PHACTR3: variants seen among roughly 807,000 people sequenced by gnomAD.
PHACTR3 encodes phosphatase and actin regulator 3, also known as protein phosphatase 1, regulatory subunit 123.
Under a neutral mutation model 66.8 loss-of-function variants are expected in PHACTR3, and 16 were observed. The observed-to-expected ratio is 0.24, with a 90% CI of 0.16 to 0.36. The LOEUF is 0.36. Ranked by LOEUF, PHACTR3 falls within the 10% of genes least tolerant of loss-of-function variation. The pLI is 1.00. For synonymous variants in PHACTR3, 323 were observed against 292.1 expected (o/e 1.11, Z -1.08); for missense variants, 647 against 719.9 (o/e 0.90, Z 1.16).
At chr20:59,654,722 A>G (rs2146459107) in intron 1 of PHACTR3, among the ~76,000 whole-genome samples, 1 of 152,142 alleles carries the variant, frequency 6.6e-6, no homozygotes, top group Non-Finnish European at 1.5e-5. Context: ...CACTCCAGAA[A>G]TTTTCCCAGT....
At chr20:59,703,591 CAT>C (rs1043055630) in intron 1 of PHACTR3, among the ~76,000 whole-genome samples, 2 of 152,194 alleles carry the variant, frequency 1.3e-5, no homozygotes, top group African/African-American at 4.8e-5. Context: ...GAAAATAAGA[CAT>C]GTGCATGATA....
intron 1 of PHACTR3, among the ~76,000 whole-genome samples, chr20:59,662,753 G>C (rs1474302980): frequency 3.3e-5 from 5 of 152,128 alleles, no homozygotes; most frequent in Admixed American, 3.3e-4. Flanking sequence ...GAGGCAGGAG[G>C]TGCTGGGGGC....
chr20:59,729,922 G>C (rs543963131), intron 1 of PHACTR3, among the ~76,000 whole-genome samples: 1 of 152,112 alleles, frequency 6.6e-6, no homozygotes, highest in East Asian at 1.9e-4. Flanking sequence ...CGTTGGACCC[G>C]GACTTGGTAA....
chr20:59,773,331 C>T lies in PHACTR3; in HGVS notation c.804C>T (p.Leu268=). Residue 268 remains leucine, a synonymous_variant, in exon 6 of 13, where the codon CTC becomes CTT. Coordinates refer to ENST00000371015, the MANE Select transcript of PHACTR3 (RefSeq NM_080672.5). ...GCATGAAGAGTGCCGACCCTTCCCT[C>T]CGGGGCCAGCTCTCCACACCCACGG... is the stretch of plus-strand genomic sequence containing the variant. The part of the protein sequence containing the change: ...ASSMKSADPS[L]RGQLSTPTGS... 4.3e-6 allele frequency: 7 copies of T among 1,614,212 alleles called. No homozygotes were observed. The highest frequency in any genetic ancestry group is 1.3e-5 in the African/African-American group (1 of 75,070).
intron 1 of PHACTR3, among the ~76,000 whole-genome samples, chr20:59,651,731 C>T (rs960459972): frequency 2.6e-5 from 4 of 152,062 alleles, no homozygotes; most frequent in Admixed American, 1.3e-4. Flanking sequence ...AAGAAATGAG[C>T]GTGTTCTCTC....
At chr20:59,681,738 T>C (rs75381108) in intron 1 of PHACTR3, among the ~76,000 whole-genome samples, 4,286 of 152,324 alleles carry the variant, frequency 0.028, 81 homozygotes, top group Middle Eastern at 0.065. Context: ...GGGCCAGGCA[T>C]GGCGGCTCAC....
At chr20:59,824,204 TG>T (rs1336587790) in intron 8 of PHACTR3, among the ~76,000 whole-genome samples, 1 of 152,160 alleles carries the variant, frequency 6.6e-6, no homozygotes, top group Non-Finnish European at 1.5e-5. Context: ...GAGGAGTGTT[TG>T]GTTGAGTAAC....
rs548296049 is a variant in PHACTR3 at position 59,736,497 on chromosome 20, G to A, written c.119-6610G>A. On this transcript the variant is annotated intron_variant, in intron 1 of 12. Transcript: ENST00000371015. This position sits in a 1 kb window ranked among gnomAD's most constrained non-coding sequence, Gnocchi z 4.6. The stretch of plus-strand genomic sequence containing the variant: ...CCCATGCAGGTGCACACCCACCCAC[G>A]CCCATGCACACTGGCTCCGCAGGTG... 6.8e-5 allele frequency among the ~76,000 whole-genome samples: 10 copies of A among 145,990 alleles called. No individual in the cohort carries two copies. Among genetic ancestry groups the A allele is most frequent in the East Asian group, 4.2e-4 (2 of 4,752 alleles).
At chr20:59,789,855 A>G (rs1419648539) in intron 7 of PHACTR3, among the ~76,000 whole-genome samples, 1 of 152,192 alleles carries the variant, frequency 6.6e-6, no homozygotes, top group Non-Finnish European at 1.5e-5. Context: ...CCAAAGCCTC[A>G]TGCACATCAA....
chr20:59,807,384 T>G (rs868087326), intron 8 of PHACTR3, among the ~76,000 whole-genome samples: 5 of 152,232 alleles, frequency 3.3e-5, no homozygotes, highest in African/African-American at 1.2e-4. Context: ...CCTCCACAGC[T>G]TGTCCCACTG....
chr20:59,686,746 GTGATGATGATGGTGA>G (rs2036890422), intron 1 of PHACTR3, among the ~76,000 whole-genome samples: 5 of 71,988 alleles, frequency 6.9e-5, no homozygotes, highest in Admixed American at 5.7e-4. Flanking sequence ...GGTGATGATG[GTGATGATGATGGTGA>G]TGATGATGGT....
chr20:59,733,574 C>T (rs1320993725), intron 1 of PHACTR3, among the ~76,000 whole-genome samples: 1 of 152,204 alleles, frequency 6.6e-6, no homozygotes, highest in African/African-American at 2.4e-5. Flanking sequence ...TTATCATCTG[C>T]TCTGTGTCAT....
chr20:59,810,665 C>T (rs6123945), intron 8 of PHACTR3, among the ~76,000 whole-genome samples: 5,007 of 152,186 alleles, frequency 0.033, 190 homozygotes, highest in African/African-American at 0.097. Context: ...CTGAGTGTTC[C>T]TGGGCCTTTT....
At position 59,657,051 on chromosome 20, in the gene PHACTR3, T is replaced by C. The variant is rs1334861040; in HGVS notation, c.118+51919T>C. Among the ~76,000 whole-genome samples the C allele has an allele frequency of 4.6e-5, 7 of 152,042 alleles. No homozygotes were observed. In the East Asian group the frequency reaches 1.3e-3, roughly 29 times the overall value. On this transcript the variant is annotated intron_variant, in intron 1 of 12. Transcript: ENST00000371015. ...ATGTCTTTCAAGGAAGCTGAGAAAA[T>C]AAAGAGCAAGTGCTCATTTACAGAG...
chr20:59,841,286 G>C, intron 10 of PHACTR3, 109 bp from the exon 11 acceptor site: 1 of 1,163,016 alleles, frequency 8.6e-7, no homozygotes, highest in East Asian at 2.5e-5. Context: ...TCCAGTTTCA[G>C]GTTTTTTTTG....
At chr20:59,773,778 C>T (rs1166218247) in intron 6 of PHACTR3, among the ~76,000 whole-genome samples, 1 of 152,226 alleles carries the variant, frequency 6.6e-6, no homozygotes, top group Non-Finnish European at 1.5e-5. Flanking sequence ...GTGGCCGTTC[C>T]ACTTTGTCCC....
chr20:59,811,368 C>A (rs1339501085), intron 8 of PHACTR3, among the ~76,000 whole-genome samples: 1 of 152,204 alleles, frequency 6.6e-6, no homozygotes, highest in African/African-American at 2.4e-5. Flanking sequence ...TAAAGCAGTG[C>A]AGAATGTTGG....
chr20:59,788,365 C>T (rs567947630), intron 7 of PHACTR3, among the ~76,000 whole-genome samples: 12 of 152,296 alleles, frequency 7.9e-5, no homozygotes, highest in African/African-American at 2.9e-4. Flanking sequence ...TTCCCTTACC[C>T]TCAGGCACCC....
chr20:59,762,995 G>C (rs967345531), intron 4 of PHACTR3, among the ~76,000 whole-genome samples: 4 of 152,168 alleles, frequency 2.6e-5, no homozygotes, highest in African/African-American at 7.2e-5. Flanking sequence ...ACTGAACCTG[G>C]TGAAAGTAGG....
Sources: gnomAD v4.1 joint callset for allele counts (sites outside exome capture counted in the v4.1 genomes callset) on GRCh38, gnomAD v4.1.1 for gene constraint, Gnocchi (gnomAD v3.1) non-coding constraint, MANE v1.5 for transcripts, NCBI Gene and HGNC (gene_info 2026-07-23, HGNC 2026-07-21) for gene names.